The following NEK6 variants were observed in gnomAD, a reference collection of about 807,000 sequenced individuals.
The protein encoded by NEK6 is serine/threonine-protein kinase Nek6.
NEK6 carries 27 observed loss-of-function variants against 43.5 expected under a neutral mutation model. That is an observed-to-expected ratio of 0.62 (90% CI 0.46 to 0.86). The LOEUF (loss-of-function observed/expected upper bound fraction) is 0.86. Ranked by LOEUF, NEK6 falls within the 40% of genes least tolerant of loss-of-function variation. The pLI, the probability that NEK6 is intolerant of heterozygous loss-of-function variation, is 0.00. For missense variants in NEK6, 318 were observed against 414.4 expected (o/e 0.77, Z 2.02); for synonymous variants, 167 against 164.1 (o/e 1.02, Z -0.14).
At chr9:124,338,950 CGAG>C (rs3050230) in intron 7 of NEK6, among the ~76,000 whole-genome samples, 150,175 of 150,524 alleles carry the variant, frequency 1, 74,913 homozygotes, top group Middle Eastern at 1. Flanking sequence ...CCAGCCGGGC[CGAG>C]GAGGCATCCC....
chr9:124,314,059 T>C, intron 4 of NEK6, 74 bp downstream of exon 4: 2 of 1,343,410 alleles, frequency 1.5e-6, no homozygotes, highest in South Asian at 2.4e-5. Flanking sequence ...CCACATCATG[T>C]CCATCACAGC....
intron 1 of NEK6, among the ~76,000 whole-genome samples, chr9:124,297,168 A>G (rs1264782281): frequency 1.3e-5 from 2 of 152,196 alleles, no homozygotes; most frequent in Non-Finnish European, 2.9e-5. Context: ...GTCATTTACC[A>G]GCTGTGTTAC....
At chr9:124,261,508 G>T (rs1831029534) in intron 1 of NEK6, 1 of 985,340 alleles carries the variant, frequency 1.0e-6, no homozygotes, top group Non-Finnish European at 1.2e-6. Flanking sequence ...GAAGAGTCCG[G>T]TGTTCTGGCC....
At chr9:124,319,345 G>T (rs1249530875) in intron 4 of NEK6, among the ~76,000 whole-genome samples, 1 of 151,852 alleles carries the variant, frequency 6.6e-6, no homozygotes, top group African/African-American at 2.4e-5. Context: ...TATAGATTCT[G>T]GACATTAGTC....
intron 2 of NEK6, among the ~76,000 whole-genome samples, 156 bp from the exon 3 acceptor site, chr9:124,312,353 C>T (rs1165284165): frequency 6.6e-6 from 1 of 152,104 alleles, no homozygotes; most frequent in African/African-American, 2.4e-5. Flanking sequence ...AGAAAGCCCC[C>T]TGGGGGGGTG....
intron 2 of NEK6, among the ~76,000 whole-genome samples, chr9:124,310,498 T>C (rs1833476283): frequency 6.6e-6 from 1 of 152,222 alleles, no homozygotes; most frequent in South Asian, 2.1e-4. Context: ...AAAGTCAAGG[T>C]TGGCCCAGCC....
At chr9:124,258,877 TC>T (rs1165412782) in intron 1 of NEK6, among the ~76,000 whole-genome samples, 1 of 152,336 alleles carries the variant, frequency 6.6e-6, no homozygotes, top group African/African-American at 2.4e-5. Flanking sequence ...GGTGGGCCCC[TC>T]GGCCGGGCAC....
intron 1 of NEK6, among the ~76,000 whole-genome samples, chr9:124,291,026 T>G (rs1832392443): frequency 6.6e-6 from 1 of 152,208 alleles, no homozygotes; most frequent in South Asian, 2.1e-4. Context: ...TTTTGGAGAA[T>G]GCAGGGCCCG....
At chr9:124,257,673 A>AT (rs767788031), upstream of NEK6, 28 of 1,531,946 alleles carry the variant, frequency 1.8e-5, no homozygotes, top group Non-Finnish European at 2.4e-5. Flanking sequence ...GCAGACCCTC[A>AT]TCATAAGTCT....
At chr9:124,299,954 C>T (rs1194957928) in intron 1 of NEK6, 1 of 152,150 alleles carries the variant, frequency 6.6e-6, no homozygotes, top group African/African-American at 2.4e-5. Flanking sequence ...TCCATACCAT[C>T]CACTTCCCTG....
chr9:124,270,096 T>C (rs1194362212), intron 1 of NEK6, among the ~76,000 whole-genome samples: 1 of 152,056 alleles, frequency 6.6e-6, no homozygotes, highest in Non-Finnish European at 1.5e-5. Context: ...TCTGTGGGGC[T>C]TGCCACTGAG....
chr9:124,333,258 A>G (rs78312516), intron 7 of NEK6, among the ~76,000 whole-genome samples: 3,036 of 152,354 alleles, frequency 0.02, 94 homozygotes, highest in African/African-American at 0.069. Context: ...CAGCGTAGAC[A>G]CCAGGCTTTA....
At chr9:124,294,471 G>A (rs1832582006) in intron 1 of NEK6, among the ~76,000 whole-genome samples, 3 of 149,218 alleles carry the variant, frequency 2.0e-5, no homozygotes, top group Non-Finnish European at 4.4e-5. Flanking sequence ...AAGCCTGGGC[G>A]ACAAAGCAAG....
At chr9:124,300,629 G>A (rs1832919272) in intron 1 of NEK6, among the ~76,000 whole-genome samples, 1 of 152,140 alleles carries the variant, frequency 6.6e-6, no homozygotes, top group Non-Finnish European at 1.5e-5. Flanking sequence ...GAGGAGGGAG[G>A]GCAAGGCCAG....
intron 1 of NEK6, among the ~76,000 whole-genome samples, chr9:124,287,769 G>A (rs1832228015): frequency 6.6e-6 from 1 of 152,094 alleles, no homozygotes; most frequent in African/African-American, 2.4e-5. Flanking sequence ...AGGTTACAGT[G>A]AGCCAAGATT....
At chr9:124,270,553 C>G (rs1831398378) in intron 1 of NEK6, among the ~76,000 whole-genome samples, 1 of 152,078 alleles carries the variant, frequency 6.6e-6, no homozygotes, top group Non-Finnish European at 1.5e-5. Context: ...TTTTTCCTTT[C>G]CTTTGCAATC....
At chr9:124,304,694 C>T (rs1833169051) in intron 2 of NEK6, among the ~76,000 whole-genome samples, 1 of 152,186 alleles carries the variant, frequency 6.6e-6, no homozygotes, top group Admixed American at 6.5e-5. Flanking sequence ...ACCACCTGAA[C>T]TGTGGTTTTT....
intron 7 of NEK6, among the ~76,000 whole-genome samples, chr9:124,335,671 T>C (rs1253421142): frequency 6.6e-6 from 1 of 152,226 alleles, no homozygotes; most frequent in Admixed American, 6.5e-5. Flanking sequence ...AGGCACCCAC[T>C]ATGAGCCGTC....
chr9:124,340,576 A>G (rs1419098471), intron 8 of NEK6, among the ~76,000 whole-genome samples: 2 of 151,978 alleles, frequency 1.3e-5, no homozygotes, highest in East Asian at 3.9e-4. Flanking sequence ...GGCTCTGGAA[A>G]CCCCCCCAGG....
Sources: allele counts gnomAD v4.1 joint callset (sites outside exome capture counted in the v4.1 genomes callset), GRCh38; gene constraint gnomAD v4.1.1; transcripts MANE v1.5; gene names NCBI Gene and HGNC (gene_info 2026-07-23, HGNC 2026-07-21).